Variants in DCBLD2 observed in about 807,000 individuals in gnomAD.
DCBLD2 encodes the protein discoidin, CUB and LCCL domain containing 2.
A neutral mutation model predicts 86.8 loss-of-function variants in DCBLD2; 54 were observed. The observed-to-expected ratio is 0.62, with a 90% CI of 0.50 to 0.78. The LOEUF (loss-of-function observed/expected upper bound fraction) is 0.78, where lower values mean the gene tolerates loss of function less well. Among genes scored for constraint, DCBLD2 ranks in the 30% least tolerant of loss-of-function variants. The pLI is 0.00. For synonymous variants in DCBLD2, 354 were observed against 341.3 expected (o/e 1.04, Z -0.41); for missense variants, 908 against 954.2 (o/e 0.95, Z 0.64).
intron 1 of DCBLD2, among the ~76,000 whole-genome samples, chr3:98,891,697 T>G (rs116536192): frequency 6.6e-6 from 1 of 152,236 alleles, no homozygotes; most frequent in African/African-American, 2.4e-5. Flanking sequence ...ACAACCTCTT[T>G]GTTCCACAGT....
At chr3:98,839,200 C>T (rs1983008) in intron 3 of DCBLD2, among the ~76,000 whole-genome samples, 7,514 of 127,726 alleles carry the variant, frequency 0.059, 275 homozygotes, top group Non-Finnish European at 0.075. Flanking sequence ...TCCTTCCTTC[C>T]TTCCTTCTTT....
At position 98,799,327 on chromosome 3, in the gene DCBLD2, G is replaced by T; in HGVS notation, c.*45C>A. The T allele has an allele frequency of 8.0e-7, 1 of 1,252,862 alleles. No individual in the cohort carries two copies. Among genetic ancestry groups the T allele is most frequent in the Non-Finnish European group, 1.1e-6 (1 of 909,868 alleles). 77.6% of individuals were successfully genotyped at this position (1,252,862 alleles called of 1,614,324 possible). On this transcript the variant is annotated 3_prime_UTR_variant, in exon 16 of 16. Transcript: ENST00000326840. ...CTACCACTAATAATTAAAAAAAAAA[G>T]GCCATGTGCTTTAAAACGATGCTTT...
chr3:98,838,826 C>T (rs1942541992), intron 3 of DCBLD2, among the ~76,000 whole-genome samples: 1 of 152,136 alleles, frequency 6.6e-6, no homozygotes, highest in Non-Finnish European at 1.5e-5. Flanking sequence ...TGGCGGATCA[C>T]TCGCGGTTAG....
chr3:98,831,332 T>C (rs1942318504), intron 3 of DCBLD2, among the ~76,000 whole-genome samples: 1 of 152,132 alleles, frequency 6.6e-6, no homozygotes, highest in African/African-American at 2.4e-5. Flanking sequence ...ATTTCAGGCA[T>C]GAGCTACCGC....
rs1491105632 is a variant in DCBLD2 at position 98,839,144 on chromosome 3, C to CTTCCTTCTTTCTTTCTTTCT, written c.571+10316_571+10317insAGAAAGAAAGAAAGAAGGAA. Among the ~76,000 whole-genome samples, 211 of 111,000 alleles carry CTTCCTTCTTTCTTTCTTTCT rather than the reference C, an allele frequency of 1.9e-3. 2 individuals are homozygous for CTTCCTTCTTTCTTTCTTTCT. Among genetic ancestry groups the CTTCCTTCTTTCTTTCTTTCT allele is most frequent in the African/African-American group, 6.8e-3 (192 of 28,440 alleles). The allele number at this position is 111,000 out of a possible 152,430, so 72.8% of individuals were successfully genotyped here. Reference sequence around the variant, plus strand: ...TTTTCTTTCTTTCCTTCCTTCCTTCCTTCTTTCTTTCTTTCTTTCTTTCTT... The same window carrying CTTCCTTCTTTCTTTCTTTCT: ...TTTTCTTTCTTTCCTTCCTTCCTTCCTTCCTTCTTTCTTTCTTTCTTTCTTTCTTTCTTTCTTTCTTTCTT... On this transcript the variant is annotated intron_variant, in intron 3 of 15. Coordinates refer to ENST00000326840, the MANE Select transcript of DCBLD2 (RefSeq NM_080927.4).
intron 3 of DCBLD2, among the ~76,000 whole-genome samples, chr3:98,846,655 A>C (rs1942729844): frequency 6.6e-6 from 1 of 152,110 alleles, no homozygotes; most frequent in Admixed American, 6.5e-5. Flanking sequence ...TTTAGTATCA[A>C]GAAATTCCTG....
At chr3:98,839,010 TGA>T (rs1397354452) in intron 3 of DCBLD2, among the ~76,000 whole-genome samples, 1 of 132,460 alleles carries the variant, frequency 7.5e-6, no homozygotes, top group Non-Finnish European at 1.7e-5. Context: ...CGGCTCCGCA[TGA>T]GAGGGAGACC....
chr3:98,832,542 G>T (rs1279666511), intron 3 of DCBLD2, among the ~76,000 whole-genome samples: 1 of 152,148 alleles, frequency 6.6e-6, no homozygotes, highest in Non-Finnish European at 1.5e-5. Flanking sequence ...ACTGGTGTGT[G>T]TACTTGAGTG....
chr3:98,835,933 T>TC (rs1942434556), intron 3 of DCBLD2, among the ~76,000 whole-genome samples: 1 of 29,504 alleles, frequency 3.4e-5, no homozygotes, highest in Non-Finnish European at 6.7e-5. Context: ...TTCCTTCCTT[T>TC]CTTTCTTTTT....
At chr3:98,826,036 C>G (rs1022793445) in intron 3 of DCBLD2, among the ~76,000 whole-genome samples, 2 of 152,090 alleles carry the variant, frequency 1.3e-5, no homozygotes, top group East Asian at 3.9e-4. Flanking sequence ...GCTGCAGTAG[C>G]ATTGCTCTAA....
Position 98,825,207 on chromosome 3 carries a change from T to C in DCBLD2, c.623+108A>G, listed in dbSNP as rs79026709. 1,042 of 806,308 alleles carry C rather than the reference T, an allele frequency of 1.3e-3. 10 individuals are homozygous for C. The East Asian group carries it at 0.022, about 17-fold the overall frequency. The allele number at this position is 806,308 out of a possible 1,614,324, so 49.9% of individuals were successfully genotyped here. A position where few individuals can be genotyped will look rare whatever the true frequency, so the allele number is the denominator to read the frequency against. Reference sequence around the variant, plus strand: ...TGAAGTCTCGGAACAATGATATGTATCACACAATATACATTAACCCTAAGA... The same window carrying C: ...TGAAGTCTCGGAACAATGATATGTACCACACAATATACATTAACCCTAAGA... On this transcript the variant is annotated intron_variant, in intron 4 of 15. Coordinates refer to ENST00000326840, the MANE Select transcript of DCBLD2 (RefSeq NM_080927.4).
chr3:98,890,725 C>T (rs1943645408), intron 1 of DCBLD2, among the ~76,000 whole-genome samples: 1 of 152,020 alleles, frequency 6.6e-6, no homozygotes, highest in South Asian at 2.1e-4. Context: ...TGTCTTAATT[C>T]CTTTAACCCT....
chr3:98,870,726 G>GA (rs201803969), intron 2 of DCBLD2, among the ~76,000 whole-genome samples: 4 of 78,922 alleles, frequency 5.1e-5, no homozygotes, highest in African/African-American at 2.0e-4. Flanking sequence ...AAAAGGAAAA[G>GA]AAAAGAAAGA....
intron 2 of DCBLD2, among the ~76,000 whole-genome samples, chr3:98,877,628 C>G (rs891148642): frequency 6.6e-6 from 1 of 152,002 alleles, no homozygotes; most frequent in Non-Finnish European, 1.5e-5. Context: ...ATACAAATGT[C>G]TATTTACTAA....
At position 98,826,462 on chromosome 3, in the gene DCBLD2, C is replaced by CA. The variant is rs200450899; in HGVS notation, c.572-1097dup. Among the ~76,000 whole-genome samples the CA allele has an allele frequency of 2.2e-4, 34 of 152,354 alleles. No homozygotes were observed. The East Asian group carries it at 6.6e-3, about 29-fold the overall frequency. On this transcript the variant is annotated intron_variant, in intron 3 of 15. Transcript: ENST00000326840. ...TCACAGAAGCTGTCCCTCAGCTTCA[C>CA]AAGTCAAATTCCTTTAGCACACAGT... is the stretch of plus-strand genomic sequence containing the variant.
At chr3:98,809,781 C>A (rs1382606798) in intron 12 of DCBLD2, among the ~76,000 whole-genome samples, 1 of 152,162 alleles carries the variant, frequency 6.6e-6, no homozygotes, top group African/African-American at 2.4e-5. Flanking sequence ...CTGACCATGA[C>A]ATAATCTTTT....
At chr3:98,810,442 G>A (rs1369875819) in intron 12 of DCBLD2, among the ~76,000 whole-genome samples, 1 of 152,178 alleles carries the variant, frequency 6.6e-6, no homozygotes, top group Admixed American at 6.6e-5. Flanking sequence ...AGTTCTATGT[G>A]GCACAAATTA....
At chr3:98,898,122 C>T (rs1160444753) in intron 1 of DCBLD2, among the ~76,000 whole-genome samples, 1 of 151,736 alleles carries the variant, frequency 6.6e-6, no homozygotes, top group Non-Finnish European at 1.5e-5. Flanking sequence ...TGTGAAACAT[C>T]AACATAATAA....
intron 13 of DCBLD2, chr3:98,807,859 C>T: frequency 6.4e-6 from 2 of 310,876 alleles, no homozygotes; most frequent in South Asian, 9.1e-5. Context: ...TGTACATATC[C>T]CAGTGTATAA....
Sources: gnomAD v4.1 joint callset for allele counts (sites outside exome capture counted in the v4.1 genomes callset) on GRCh38, gnomAD v4.1.1 for gene constraint, MANE v1.5 for transcripts, NCBI Gene and HGNC (gene_info 2026-07-23, HGNC 2026-07-21) for gene names.